Variants in ADAMTS17 observed in about 807,000 individuals in gnomAD.
The protein encoded by ADAMTS17 is ADAM metallopeptidase with thrombospondin type 1 motif 17.
Under a neutral mutation model 141.5 loss-of-function variants are expected in ADAMTS17, and 113 were observed. The observed-to-expected ratio is 0.80, with a 90% CI of 0.69 to 0.93. The LOEUF (loss-of-function observed/expected upper bound fraction) is 0.93, where lower values mean the gene tolerates loss of function less well. Among genes scored for constraint, ADAMTS17 ranks in the 40% least tolerant of loss-of-function variants. ADAMTS17 has a pLI of 0.00. For missense variants in ADAMTS17, 1,659 were observed against 1,517.9 expected (o/e 1.09, Z -1.54); for synonymous variants, 768 against 630.6 (o/e 1.22, Z -3.27).
intron 15 of ADAMTS17, among the ~76,000 whole-genome samples, chr15:100,091,123 C>T (rs1284819008): frequency 6.6e-6 from 1 of 151,878 alleles, no homozygotes; most frequent in African/African-American, 2.4e-5. Flanking sequence ...CCTCCAACCC[C>T]TGCTCTGACC....
intron 15 of ADAMTS17, among the ~76,000 whole-genome samples, chr15:100,076,963 T>C (rs1248880935): frequency 2.0e-5 from 3 of 152,126 alleles, no homozygotes; most frequent in African/African-American, 7.2e-5. Context: ...ATATATCTAC[T>C]CACCTACTAA....
intron 7 of ADAMTS17, among the ~76,000 whole-genome samples, chr15:100,251,451 C>T (rs891427525): frequency 6.6e-5 from 10 of 152,198 alleles, no homozygotes; most frequent in South Asian, 4.1e-4. Flanking sequence ...GTTGGCCGGG[C>T]GCAGTGGCTC....
intron 8 of ADAMTS17, among the ~76,000 whole-genome samples, chr15:100,156,903 A>C (rs1298810011): frequency 6.6e-6 from 1 of 152,258 alleles, no homozygotes; most frequent in East Asian, 1.9e-4. Context: ...AAAGTGTATT[A>C]GTCCATTTTC....
At chr15:100,308,398 G>A (rs1275930091) in intron 3 of ADAMTS17, among the ~76,000 whole-genome samples, 1 of 152,126 alleles carries the variant, frequency 6.6e-6, no homozygotes, top group African/African-American at 2.4e-5. Context: ...AAGCAAGCAG[G>A]GAACACCATC....
intron 15 of ADAMTS17, among the ~76,000 whole-genome samples, chr15:100,073,065 A>AG (rs2034096457): frequency 6.6e-6 from 1 of 152,174 alleles, no homozygotes. Flanking sequence ...CAAATCTACA[A>AG]GAAAAAAACA....
chr15:100,162,229 A>G (rs2141414617), intron 8 of ADAMTS17, among the ~76,000 whole-genome samples: 1 of 152,064 alleles, frequency 6.6e-6, no homozygotes, highest in South Asian at 2.1e-4. Flanking sequence ...ATCTATATAC[A>G]TGGGATTTTG....
intron 14 of ADAMTS17, among the ~76,000 whole-genome samples, chr15:100,108,470 G>C (rs1047342191): frequency 6.6e-6 from 1 of 152,108 alleles, no homozygotes; most frequent in Non-Finnish European, 1.5e-5. Context: ...CACCGCACCC[G>C]GCCTCTCTTT....
intron 18 of ADAMTS17, among the ~76,000 whole-genome samples, chr15:100,011,347 A>AGAGATG: frequency 3.5e-5 from 3 of 85,744 alleles, no homozygotes; most frequent in East Asian, 6.9e-4. Context: ...GAAGGAAAGG[A>AGAGATG]GGAGGGACGG....
At chr15:100,231,354 T>C (rs1423657234) in intron 7 of ADAMTS17, among the ~76,000 whole-genome samples, 1 of 152,210 alleles carries the variant, frequency 6.6e-6, no homozygotes, top group Non-Finnish European at 1.5e-5. Context: ...TCTGGCTAAT[T>C]CTCATTTCAT....
At position 99,973,833 on chromosome 15, in the gene ADAMTS17, T is replaced by G. The variant is rs1299165681; in HGVS notation, c.*569A>C. ...CAACACCTAGGATTTAGAGACTATGTTCTCAGAGACGGGCATGGAGGCAAC... is the reference window on the plus strand; with the variant it reads ...CAACACCTAGGATTTAGAGACTATGGTCTCAGAGACGGGCATGGAGGCAAC... On this transcript the variant is annotated 3_prime_UTR_variant, in exon 22 of 22. Transcript: ENST00000268070. 2 of 195,666 alleles carry G rather than the reference T, an allele frequency of 1.0e-5. No homozygotes were observed. Among genetic ancestry groups the G allele is most frequent in the South Asian group, 9.9e-5 (1 of 10,076 alleles). 12.1% of individuals were successfully genotyped at this position (195,666 alleles called of 1,614,324 possible). A position where few individuals can be genotyped will look rare whatever the true frequency, so the allele number is the denominator to read the frequency against.
intron 15 of ADAMTS17, among the ~76,000 whole-genome samples, chr15:100,088,533 T>G (rs1436545235): frequency 6.6e-6 from 1 of 152,008 alleles, no homozygotes; most frequent in Non-Finnish European, 1.5e-5. Context: ...CATCGCCAAG[T>G]CAATCCTAAG....
intron 3 of ADAMTS17, among the ~76,000 whole-genome samples, chr15:100,327,528 A>T (rs1246565493): frequency 1.3e-5 from 2 of 152,142 alleles, no homozygotes; most frequent in African/African-American, 4.8e-5. Context: ...CTTCTACCAC[A>T]CACATGTGAA....
intron 15 of ADAMTS17, among the ~76,000 whole-genome samples, chr15:100,079,116 G>C (rs1409902114): frequency 6.6e-6 from 1 of 152,208 alleles, no homozygotes. Flanking sequence ...GAAACGTAAA[G>C]TGGTGCCGCC....
chr15:100,154,577 G>C (rs2039342473), intron 9 of ADAMTS17, among the ~76,000 whole-genome samples: 1 of 152,170 alleles, frequency 6.6e-6, no homozygotes. Flanking sequence ...CCAACCCTGA[G>C]GTCTTGACAC....
chr15:100,170,907 C>T (rs565309074), intron 8 of ADAMTS17, among the ~76,000 whole-genome samples: 11 of 152,322 alleles, frequency 7.2e-5, no homozygotes, highest in African/African-American at 2.4e-4. Context: ...GCACCCGTTA[C>T]TTTATTGAGT....
At chr15:100,107,436 T>C (rs1309067413) in intron 14 of ADAMTS17, among the ~76,000 whole-genome samples, 1 of 152,124 alleles carries the variant, frequency 6.6e-6, no homozygotes, top group Non-Finnish European at 1.5e-5. Context: ...GGCTCCCCTG[T>C]GGAGGACACA....
At chr15:100,201,356 G>A (rs2041325969) in intron 7 of ADAMTS17, among the ~76,000 whole-genome samples, 1 of 152,174 alleles carries the variant, frequency 6.6e-6, no homozygotes, top group Non-Finnish European at 1.5e-5. Flanking sequence ...CTGCTGCACT[G>A]TGAAGAAGGT....
At chr15:100,145,396 C>T (rs2038853380) in intron 10 of ADAMTS17, among the ~76,000 whole-genome samples, 1 of 152,212 alleles carries the variant, frequency 6.6e-6, no homozygotes, top group Non-Finnish European at 1.5e-5. Flanking sequence ...TTTCGTTTTA[C>T]AGCATCTAGC....
At chr15:100,338,994 C>G (rs1218575453) in intron 2 of ADAMTS17, 1 of 985,396 alleles carries the variant, frequency 1.0e-6, no homozygotes, top group Admixed American at 6.1e-5. Context: ...GCCTTCAGTA[C>G]GTACAGAGGG....
Sources: allele counts gnomAD v4.1 joint callset (sites outside exome capture counted in the v4.1 genomes callset), GRCh38; gene constraint gnomAD v4.1.1; transcripts MANE v1.5; gene names NCBI Gene and HGNC (gene_info 2026-07-23, HGNC 2026-07-21).